Variants in RNF130 observed in about 807,000 individuals in gnomAD.
RNF130 encodes ring finger protein 130.
In RNF130, 21 loss-of-function variants were observed where a neutral mutation model predicts 44.6. The observed-to-expected ratio is 0.47, with a 90% CI of 0.33 to 0.68. The LOEUF (loss-of-function observed/expected upper bound fraction) is 0.68. Among genes scored for constraint, RNF130 ranks in the 30% least tolerant of loss-of-function variants. The pLI, the probability that RNF130 is intolerant of heterozygous loss-of-function variation, is 0.02. For missense variants in RNF130, 479 were observed against 560.6 expected (o/e 0.85, Z 1.47); for synonymous variants, 214 against 210.4 (o/e 1.02, Z -0.15).
intron 2 of RNF130, among the ~76,000 whole-genome samples, chr5:180,035,269 A>G (rs1226577745): frequency 6.6e-6 from 1 of 152,080 alleles, no homozygotes; most frequent in Non-Finnish European, 1.5e-5. Flanking sequence ...TTCCTTTTGA[A>G]TTTTTTATTG....
chr5:180,071,663 C>A lies in RNF130; in HGVS notation c.40G>T (p.Ala14Ser). The A allele has an allele frequency of 7.0e-7, 1 of 1,431,818 alleles. No individual in the cohort carries two copies. Among genetic ancestry groups the A allele is most frequent in the South Asian group, 1.4e-5 (1 of 71,310 alleles). The allele number at this position is 1,431,818 out of a possible 1,614,324, so 88.7% of individuals were successfully genotyped here. A position where few individuals can be genotyped will look rare whatever the true frequency, so the allele number is the denominator to read the frequency against. ...AGGCTGCAGGTCAGCAGGGCGAGCG[C>A]GGCGAGCCGGGCAGGGCCCGCCCGC... ...AGRAGPARLA[A>S]LALLTCSLWP... The change falls in exon 1 of 9, where the codon GCG (alanine) becomes TCG (serine). Residue 14 changes from alanine to serine, a missense_variant. Ala to Ser is a moderately conservative substitution (Grantham distance 99). This residue lies in a region of RNF130 where 138 missense variants were observed against 126.9 expected (regional missense o/e 1.09). Transcript: ENST00000521389.
intron 1 of RNF130, 123 bp downstream of exon 1, chr5:180,071,333 G>T: frequency 1.0e-6 from 1 of 983,132 alleles, no homozygotes; most frequent in Non-Finnish European, 1.3e-6. Flanking sequence ...CCTCGACCCT[G>T]GCTGGGGCTG....
At position 180,049,780 on chromosome 5, in the gene RNF130, CTTAT is replaced by C. The variant is rs199516849; in HGVS notation, c.248-9137_248-9134del. Reference sequence around the variant, plus strand: ...TTCATCTCTATTATTTTATTGTGTTCTTATTTATTCTACTTTTCTAAGCTTCTTT... The same window carrying C: ...TTCATCTCTATTATTTTATTGTGTTCTTATTCTACTTTTCTAAGCTTCTTT... On this transcript the variant is annotated intron_variant, in intron 1 of 8. Coordinates refer to ENST00000521389, the MANE Select transcript of RNF130 (RefSeq NM_018434.6). Among the ~76,000 whole-genome samples the C allele has an allele frequency of 7.9e-5, 12 of 152,252 alleles. No homozygotes were observed. The East Asian group carries it at 1.9e-3, about 24-fold the overall frequency.
chr5:180,065,745 G>A (rs1765090532), intron 1 of RNF130, among the ~76,000 whole-genome samples: 1 of 148,674 alleles, frequency 6.7e-6, no homozygotes, highest in Non-Finnish European at 1.5e-5. Flanking sequence ...GGGCGACAGA[G>A]TGAGACTCTG....
intron 7 of RNF130, among the ~76,000 whole-genome samples, chr5:179,946,400 C>T (rs2113685937): frequency 6.6e-6 from 1 of 152,264 alleles, no homozygotes; most frequent in South Asian, 2.1e-4. Flanking sequence ...TGCCTTTGGT[C>T]AGGCAAGACA....
chr5:179,977,742 C>T lies in RNF130; in HGVS notation c.848+461G>A, dbSNP rs1415680689. ...TGGTGGGTACCTGTAGTCCCAGCTA[C>T]TCGGGAGGCTGAGGCAGGAGAATGG... On this transcript the variant is annotated intron_variant, in intron 5 of 8. Transcript: ENST00000521389. This position sits in a 1 kb window ranked among gnomAD's most constrained non-coding sequence, Gnocchi z 4.1. Among the ~76,000 whole-genome samples the T allele has an allele frequency of 6.6e-6, 1 of 152,116 alleles. No individual in the cohort carries two copies. Among genetic ancestry groups the T allele is most frequent in the Non-Finnish European group, 1.5e-5 (1 of 68,022 alleles).
chr5:180,041,890 G>A (rs1306302819), intron 1 of RNF130, among the ~76,000 whole-genome samples: 1 of 152,114 alleles, frequency 6.6e-6, no homozygotes, highest in African/African-American at 2.4e-5. Context: ...CACCCTGGGC[G>A]ACAAAGTGAA....
At chr5:179,922,991 CTG>C (rs940053998) in intron 7 of RNF130, among the ~76,000 whole-genome samples, 9 of 152,174 alleles carry the variant, frequency 5.9e-5, no homozygotes, top group Admixed American at 5.9e-4. Context: ...TCCTCCCAGT[CTG>C]TGACTTGCCT....
intron 2 of RNF130, among the ~76,000 whole-genome samples, chr5:180,026,950 T>C (rs1005648106): frequency 6.6e-6 from 1 of 152,194 alleles, no homozygotes; most frequent in Non-Finnish European, 1.5e-5. Flanking sequence ...AATACTGTCA[T>C]GGAGGCACAG....
intron 1 of RNF130, among the ~76,000 whole-genome samples, chr5:180,052,129 G>A (rs1206004254): frequency 6.6e-6 from 1 of 151,972 alleles, no homozygotes; most frequent in Non-Finnish European, 1.5e-5. Context: ...CCCTCGCCAA[G>A]GTCTGTCCCA....
intron 7 of RNF130, among the ~76,000 whole-genome samples, chr5:179,939,228 A>C (rs1761940228): frequency 6.6e-6 from 1 of 152,122 alleles, no homozygotes; most frequent in Non-Finnish European, 1.5e-5. Flanking sequence ...AAAATAAATA[A>C]ATAAATAAAT....
chr5:180,026,677 A>G (rs558015300), intron 2 of RNF130, among the ~76,000 whole-genome samples: 1 of 152,368 alleles, frequency 6.6e-6, no homozygotes, highest in South Asian at 2.1e-4. Flanking sequence ...TACATACAGT[A>G]TATAGGGAAT....
At chr5:179,923,589 G>A (rs1049078238) in intron 7 of RNF130, among the ~76,000 whole-genome samples, 1 of 152,156 alleles carries the variant, frequency 6.6e-6, no homozygotes, top group African/African-American at 2.4e-5. Flanking sequence ...CCAATCACAG[G>A]TGGCCAACAG....
Position 179,978,218 on chromosome 5 carries a change from C to T in RNF130, c.833G>A (p.Arg278Gln), listed in dbSNP as rs746098304. Residue 278 changes from arginine to glutamine, a missense_variant, in exon 5 of 9, where the codon CGA (arginine) becomes CAA (glutamine). Arg to Gln is a conservative substitution (Grantham distance 43, BLOSUM62 1). Coordinates refer to ENST00000521389, the MANE Select transcript of RNF130 (RefSeq NM_018434.6). Reference protein sequence around the residue: ...IESYKQNDVVRILPCKHVFHK... With the variant: ...IESYKQNDVVQILPCKHVFHK... ...GTTGACATACTTGCAGGGGAGAATTCGGACGACATCATTCTGCTTATAGCT... is the reference window on the plus strand; with the variant it reads ...GTTGACATACTTGCAGGGGAGAATTTGGACGACATCATTCTGCTTATAGCT... 5.0e-6 allele frequency: 8 copies of T among 1,613,296 alleles called. No individual in the cohort carries two copies. The highest frequency in any genetic ancestry group is 3.3e-5 in the Admixed American group (2 of 60,028).
chr5:179,968,866 G>C (rs1762515382), intron 6 of RNF130, among the ~76,000 whole-genome samples: 1 of 152,066 alleles, frequency 6.6e-6, no homozygotes, highest in African/African-American at 2.4e-5. Context: ...GGTCTACGAT[G>C]CACAGGACAG....
In RNF130 at chr5:179,944,528, A is replaced by G. The variant is rs957051947; in HGVS notation, c.1150+22278T>C. On this transcript the variant is annotated intron_variant, in intron 7 of 7. Coordinates refer to the RNF130 transcript ENST00000522208. ...GCCCAGGCTGGAGTGCAGTGCCACAATCTTGGCTCACTGCAACCTCCACCT... is the reference window on the plus strand; with the variant it reads ...GCCCAGGCTGGAGTGCAGTGCCACAGTCTTGGCTCACTGCAACCTCCACCT... 4.6e-5 allele frequency among the ~76,000 whole-genome samples: 7 copies of G among 152,104 alleles called. No individual in the cohort carries two copies. The South Asian group carries it at 6.2e-4, about 14-fold the overall frequency.
chr5:179,926,721 A>T (rs990790664), intron 7 of RNF130, among the ~76,000 whole-genome samples: 1 of 152,228 alleles, frequency 6.6e-6, no homozygotes, highest in African/African-American at 2.4e-5. Context: ...ACCAAACCTA[A>T]GGAGGGGGCG....
chr5:180,041,173 A>G (rs766184302), intron 1 of RNF130, among the ~76,000 whole-genome samples: 13 of 152,240 alleles, frequency 8.5e-5, no homozygotes. Context: ...ATGTTAGAGC[A>G]AATTTCTTCA....
chr5:180,042,818 G>A (rs1764456936), intron 1 of RNF130, among the ~76,000 whole-genome samples: 1 of 152,158 alleles, frequency 6.6e-6, no homozygotes. Context: ...CTTCTTCCCT[G>A]TGGTCTCGCA....
Sources: gnomAD v4.1 joint callset for allele counts (sites outside exome capture counted in the v4.1 genomes callset) on GRCh38, gnomAD v4.1.1 for gene constraint, gnomAD v4.1.1 regional missense constraint, Gnocchi (gnomAD v3.1) non-coding constraint, MANE v1.5 for transcripts, NCBI Gene and HGNC (gene_info 2026-07-23, HGNC 2026-07-21) for gene names.